Variants in AGAP1 observed in about 807,000 individuals in gnomAD.
The protein encoded by AGAP1 is ArfGAP with GTPase domain, ankyrin repeat and PH domain 1, also known as arf-GAP with GTPase, ANK repeat and PH domain-containing protein 1.
AGAP1 carries 29 observed loss-of-function variants against 105.3 expected under a neutral mutation model. The observed-to-expected ratio is 0.28, with a 90% CI of 0.21 to 0.38. The LOEUF is 0.38. Among genes scored for constraint, AGAP1 ranks in the 10% least tolerant of loss-of-function variants. The pLI, the probability that AGAP1 is intolerant of heterozygous loss-of-function variation, is 1.00. For synonymous variants in AGAP1, 509 were observed against 485.9 expected (o/e 1.05, Z -0.63); for missense variants, 998 against 1,165.1 (o/e 0.86, Z 2.09).
At chr2:235,674,395 C>T (rs1370968394) in intron 1 of AGAP1, among the ~76,000 whole-genome samples, 2 of 152,216 alleles carry the variant, frequency 1.3e-5, no homozygotes, top group African/African-American at 2.4e-5. Flanking sequence ...CCCCTTGCAG[C>T]GCATGCTCTC....
At chr2:235,565,759 C>G (rs1378944498) in intron 1 of AGAP1, among the ~76,000 whole-genome samples, 4 of 152,190 alleles carry the variant, frequency 2.6e-5, no homozygotes, top group East Asian at 1.9e-4. Context: ...CTCCCAGGCT[C>G]AAACCACTCT....
chr2:235,512,127 T>C (rs939722205), intron 1 of AGAP1, among the ~76,000 whole-genome samples: 6 of 150,224 alleles, frequency 4.0e-5, no homozygotes, highest in Admixed American at 4.0e-4. Flanking sequence ...GTGGTGATGG[T>C]CATTGTCCAC....
chr2:235,734,323 C>G lies in AGAP1; in HGVS notation c.311-6640C>G, dbSNP rs879425677. On this transcript the variant is annotated intron_variant, in intron 3 of 17. Coordinates refer to ENST00000304032, the MANE Select transcript of AGAP1 (RefSeq NM_001037131.3). The surrounding 1 kb of genome is among the most constrained non-coding windows in gnomAD (Gnocchi z 5.3). ...CCAGCCATGCTCCTCCTGTCTTTCTCCCTTCCAGTCTGAACCCCACAGCGC... is the reference window on the plus strand; with the variant it reads ...CCAGCCATGCTCCTCCTGTCTTTCTGCCTTCCAGTCTGAACCCCACAGCGC... Among the ~76,000 whole-genome samples the G allele has an allele frequency of 6.6e-6, 1 of 152,160 alleles. No individual in the cohort carries two copies. Among genetic ancestry groups the G allele is most frequent in the Non-Finnish European group, 1.5e-5 (1 of 68,020 alleles).
intron 11 of AGAP1, among the ~76,000 whole-genome samples, chr2:235,926,910 G>T (rs1165115096): frequency 2.0e-5 from 3 of 152,124 alleles, no homozygotes; most frequent in Non-Finnish European, 4.4e-5. Context: ...GCTCCCAGAT[G>T]CTTTCATTTT....
chr2:235,917,671 G>A (rs552294662), intron 11 of AGAP1, among the ~76,000 whole-genome samples: 3 of 152,246 alleles, frequency 2.0e-5, no homozygotes, highest in African/African-American at 4.8e-5. Context: ...AGGCACCGGC[G>A]GCTCTGTTGC....
At chr2:235,851,999 C>G (rs947674549) in intron 9 of AGAP1, among the ~76,000 whole-genome samples, 4 of 152,124 alleles carry the variant, frequency 2.6e-5, no homozygotes, top group African/African-American at 9.7e-5. Flanking sequence ...GATTAACAAC[C>G]TCCGCTGAAT....
chr2:236,021,986 G>A (rs772845880), intron 13 of AGAP1, among the ~76,000 whole-genome samples: 3 of 149,630 alleles, frequency 2.0e-5, no homozygotes, highest in Non-Finnish European at 4.4e-5. Flanking sequence ...TTGAGCCCAG[G>A]AGGTGGAGGT....
intron 1 of AGAP1, among the ~76,000 whole-genome samples, chr2:235,651,339 T>C (rs924754897): frequency 6.6e-6 from 1 of 151,844 alleles, no homozygotes; most frequent in African/African-American, 2.4e-5. Context: ...CTGCCAGATA[T>C]CTCCATCAGC....
chr2:236,048,219 C>A (rs1352361332), intron 15 of AGAP1, among the ~76,000 whole-genome samples: 1 of 152,222 alleles, frequency 6.6e-6, no homozygotes, highest in Non-Finnish European at 1.5e-5. Context: ...TAGATTCTAG[C>A]GTGAAGTCAA....
At chr2:235,630,775 CAG>C (rs1559300965) in intron 1 of AGAP1, among the ~76,000 whole-genome samples, 1 of 152,308 alleles carries the variant, frequency 6.6e-6, no homozygotes, top group South Asian at 2.1e-4. Context: ...TTCATCGGAA[CAG>C]GACCACCCTC....
intron 1 of AGAP1, among the ~76,000 whole-genome samples, chr2:235,547,969 T>C (rs1943681925): frequency 1.3e-5 from 2 of 152,238 alleles, no homozygotes; most frequent in African/African-American, 4.8e-5. Flanking sequence ...AGCACACGGT[T>C]CCTGAATTAT....
rs535042220 is a variant in AGAP1, at chr2:235,830,609, A to C, written c.1050+23278A>C. Among the ~76,000 whole-genome samples, 5 of 112,686 alleles carry C rather than the reference A, an allele frequency of 4.4e-5. No individual in the cohort carries two copies. The highest frequency in any genetic ancestry group is 8.8e-5 in the Non-Finnish European group (5 of 56,854). The allele number at this position is 112,686 out of a possible 152,430, so 73.9% of individuals were successfully genotyped here. The stretch of plus-strand genomic sequence containing the variant: ...TACTTTGGGGGCTCAGGGGGCTTGG[A>C]GTTTATTTGTTGGGGGAAGCAATGT... On this transcript the variant is annotated intron_variant, in intron 9 of 17. Coordinates refer to ENST00000304032, the MANE Select transcript of AGAP1 (RefSeq NM_001037131.3). The surrounding 1 kb of genome is among the most constrained non-coding windows in gnomAD (Gnocchi z 5.5).
rs1012866255 is a variant in AGAP1, at chr2:235,891,130, A to G, written c.1155+7681A>G. On this transcript the variant is annotated intron_variant, in intron 10 of 17. Transcript: ENST00000304032. This position sits in a 1 kb window ranked among gnomAD's most constrained non-coding sequence, Gnocchi z 4.2. ...GGTTCCCAGGGTGCAGGACTTTCAT[A>G]GCTAACATCAGGGAAGTCCCAGGCA... is the stretch of plus-strand genomic sequence containing the variant. 2.6e-5 allele frequency among the ~76,000 whole-genome samples: 4 copies of G among 152,180 alleles called. No homozygotes were observed. Among genetic ancestry groups the G allele is most frequent in the Non-Finnish European group, 4.4e-5 (3 of 68,032 alleles).
chr2:235,976,489 G>T lies in AGAP1; in HGVS notation c.1645+7866G>T, dbSNP rs950476348. 6.6e-6 allele frequency among the ~76,000 whole-genome samples: 1 copy of T among 152,180 alleles called. No individual in the cohort carries two copies. Among genetic ancestry groups the T allele is most frequent in the Admixed American group, 6.5e-5 (1 of 15,286 alleles). ...GCAGCCAGAACGGAAGATTCCCATC[G>T]TGATGAACCGACGCACAGAAGGATG... On this transcript the variant is annotated intron_variant, in intron 13 of 17. Coordinates refer to ENST00000304032, the MANE Select transcript of AGAP1 (RefSeq NM_001037131.3). This position sits in a 1 kb window ranked among gnomAD's most constrained non-coding sequence, Gnocchi z 4.5.
At chr2:235,570,519 C>T (rs925878939) in intron 1 of AGAP1, among the ~76,000 whole-genome samples, 1 of 152,232 alleles carries the variant, frequency 6.6e-6, no homozygotes, top group Non-Finnish European at 1.5e-5. Context: ...CATGTAAAGG[C>T]AGCCTCCCGT....
chr2:235,532,975 A>G (rs1191376608), intron 1 of AGAP1, among the ~76,000 whole-genome samples: 1 of 152,188 alleles, frequency 6.6e-6, no homozygotes, highest in Non-Finnish European at 1.5e-5. Context: ...GCTTCAGACT[A>G]GTCATGCTTT....
At chr2:235,945,683 G>A (rs538360350) in intron 12 of AGAP1, among the ~76,000 whole-genome samples, 3 of 151,718 alleles carry the variant, frequency 2.0e-5, no homozygotes, top group Admixed American at 1.3e-4. Flanking sequence ...TTCGGGAGTG[G>A]GTACCTGTAT....
chr2:235,829,361 C>T (rs1959188514), intron 9 of AGAP1, among the ~76,000 whole-genome samples: 1 of 152,188 alleles, frequency 6.6e-6, no homozygotes, highest in South Asian at 2.1e-4. Context: ...CAGTCGGTCA[C>T]CTGTGTTTCC....
intron 12 of AGAP1, among the ~76,000 whole-genome samples, chr2:235,933,842 T>C (rs1181513010): frequency 6.6e-6 from 1 of 152,172 alleles, no homozygotes; most frequent in Non-Finnish European, 1.5e-5. Flanking sequence ...TTCTAAGGAT[T>C]AATAGTATGT....
Sources: gnomAD v4.1 joint callset for allele counts (sites outside exome capture counted in the v4.1 genomes callset) on GRCh38, gnomAD v4.1.1 for gene constraint, Gnocchi (gnomAD v3.1) non-coding constraint, MANE v1.5 for transcripts, NCBI Gene and HGNC (gene_info 2026-07-23, HGNC 2026-07-21) for gene names.